Variants in RIC1 observed in about 807,000 individuals in gnomAD.
The protein encoded by RIC1 is RIC1 partner of RAB6A GEF complex.
In RIC1, 88 loss-of-function variants were observed where a neutral mutation model predicts 169.0. That is an observed-to-expected ratio of 0.52 (90% CI 0.44 to 0.62). The LOEUF (loss-of-function observed/expected upper bound fraction) is 0.62. RIC1 is among the 20% of genes least tolerant of loss of function. RIC1 has a pLI of 0.00. For synonymous variants in RIC1, 790 were observed against 601.5 expected (o/e 1.31, Z -4.59); for missense variants, 1,877 against 1,725.5 (o/e 1.09, Z -1.56).
At chr9:5,692,508 C>A (rs913337557) in intron 3 of RIC1, among the ~76,000 whole-genome samples, 2 of 151,914 alleles carry the variant, frequency 1.3e-5, no homozygotes, top group African/African-American at 4.8e-5. Flanking sequence ...TATTTTACTT[C>A]TTTGCCAGAG....
At chr9:5,660,139 G>A (rs2130480634) in intron 2 of RIC1, among the ~76,000 whole-genome samples, 1 of 152,282 alleles carries the variant, frequency 6.6e-6, no homozygotes. Context: ...GTTTGCTGAG[G>A]ATAATGGTTT....
chr9:5,655,218 G>GA (rs960025682), intron 1 of RIC1, among the ~76,000 whole-genome samples: 9 of 152,094 alleles, frequency 5.9e-5, no homozygotes, highest in African/African-American at 2.2e-4. Context: ...TTATCACGTT[G>GA]AAAAAATTTC....
intron 1 of RIC1, among the ~76,000 whole-genome samples, chr9:5,643,602 A>C (rs1818357830): frequency 6.6e-6 from 1 of 152,176 alleles, no homozygotes; most frequent in South Asian, 2.1e-4. Flanking sequence ...AAGGTGCTTA[A>C]AAATAAACTA....
Position 5,756,199 on chromosome 9 carries a change from T to C in RIC1, c.1693-13T>C. The C allele has an allele frequency of 6.7e-7, 1 of 1,495,556 alleles. No homozygotes were observed. Among genetic ancestry groups the C allele is most frequent in the East Asian group, 2.4e-5 (1 of 41,774 alleles). The allele number at this position is 1,495,556 out of a possible 1,614,324, so 92.6% of individuals were successfully genotyped here. On this transcript the variant is annotated splice_polypyrimidine_tract_variant and intron_variant, in intron 15 of 25. Transcript: ENST00000414202. ...CTTGTTTTTATAATTTTCTTCATTT[T>C]TGTTTTCTTCAGCTTAGAGTATACT...
At chr9:5,724,848 C>A (rs1050073538) in intron 6 of RIC1, among the ~76,000 whole-genome samples, 3 of 152,120 alleles carry the variant, frequency 2.0e-5, no homozygotes, top group Non-Finnish European at 4.4e-5. Flanking sequence ...TGTTTATATG[C>A]TGTATTACCG....
chr9:5,681,964 G>A (rs927262411), intron 2 of RIC1, among the ~76,000 whole-genome samples: 4 of 152,060 alleles, frequency 2.6e-5, no homozygotes, highest in Admixed American at 6.6e-5. Context: ...TGTTTTATCC[G>A]AGAGTAGGAT....
At chr9:5,769,386 T>C (rs1454371180) in intron 22 of RIC1, 130 bp downstream of exon 22, 1 of 1,594,296 alleles carries the variant, frequency 6.3e-7, no homozygotes. Context: ...AAAGCCAACT[T>C]TTTGTACATG....
chr9:5,701,848 G>A (rs1281723853), intron 3 of RIC1, among the ~76,000 whole-genome samples: 2 of 152,086 alleles, frequency 1.3e-5, no homozygotes, highest in South Asian at 2.1e-4. Context: ...ACATGACTGG[G>A]ATCAAAAGCA....
At chr9:5,700,586 A>G (rs2130768785) in intron 3 of RIC1, among the ~76,000 whole-genome samples, 1 of 151,600 alleles carries the variant, frequency 6.6e-6, no homozygotes, top group East Asian at 1.9e-4. Context: ...ATTTATAAAT[A>G]TGCCTTATAA....
intron 13 of RIC1, 57 bp from the exon 14 acceptor site, chr9:5,753,479 T>A: frequency 9.5e-7 from 1 of 1,056,148 alleles, no homozygotes; most frequent in Non-Finnish European, 1.4e-6. Flanking sequence ...AAGCTCTTTA[T>A]GCCTAATAAA....
intron 3 of RIC1, among the ~76,000 whole-genome samples, chr9:5,700,755 G>C (rs552499205): frequency 6.6e-6 from 1 of 152,062 alleles, no homozygotes; most frequent in South Asian, 2.1e-4. Flanking sequence ...CAAAGCTTGT[G>C]GGAAAATCGT....
In RIC1 at chr9:5,765,657, C is replaced by G; in HGVS notation, c.3001-5C>G. ...AATGGTACTGCATATGGTGTGTAAT[C>G]CTAGGAACCCAGTTCAAGTGGTGGA... On this transcript the variant is annotated splice_polypyrimidine_tract_variant and splice_region_variant and intron_variant, in intron 20 of 25. Coordinates refer to ENST00000414202, the MANE Select transcript of RIC1 (RefSeq NM_020829.4). 1 of 1,614,076 alleles carries G rather than the reference C, an allele frequency of 6.2e-7. No homozygotes were observed. The highest frequency in any genetic ancestry group is 8.5e-7 in the Non-Finnish European group (1 of 1,179,978).
chr9:5,671,956 C>T (rs148891315), intron 2 of RIC1, among the ~76,000 whole-genome samples: 2 of 152,158 alleles, frequency 1.3e-5, no homozygotes, highest in African/African-American at 4.8e-5. Flanking sequence ...GTGTCTGCTC[C>T]TGGAAGTGGA....
At chr9:5,630,447 G>C (rs1019178422) in intron 1 of RIC1, among the ~76,000 whole-genome samples, 2 of 152,138 alleles carry the variant, frequency 1.3e-5, no homozygotes, top group East Asian at 3.8e-4. Context: ...TTAGGTGTTC[G>C]TGAAATACTG....
intron 6 of RIC1, among the ~76,000 whole-genome samples, chr9:5,730,928 C>T (rs1824336242): frequency 1.3e-5 from 2 of 152,148 alleles, no homozygotes; most frequent in Admixed American, 1.3e-4. Flanking sequence ...ACTCTATCCA[C>T]ACAGGCTTCT....
At chr9:5,761,990 T>G (rs1390392138) in intron 17 of RIC1, among the ~76,000 whole-genome samples, 1 of 152,232 alleles carries the variant, frequency 6.6e-6, no homozygotes, top group Admixed American at 6.5e-5. Context: ...TCAAGAACCA[T>G]AAGTAGTGGC....
chr9:5,637,199 A>G (rs1413611933), intron 1 of RIC1, among the ~76,000 whole-genome samples: 4 of 152,050 alleles, frequency 2.6e-5, no homozygotes, highest in Non-Finnish European at 5.9e-5. Flanking sequence ...AGCTGGGACT[A>G]CAGGTGTGCC....
At position 5,762,673 on chromosome 9, in the gene RIC1, C is replaced by G. The variant is rs773332454; in HGVS notation, c.2112+13C>G. ...CCAAAGGAAACTTGTGAGTAAAGTA[C>G]TAGTCATTTCTTTTCAAACATTAAG... On this transcript the variant is annotated intron_variant, in intron 18 of 25. Transcript: ENST00000414202. The G allele has an allele frequency of 1.9e-6, 3 of 1,610,534 alleles. No individual in the cohort carries two copies. Among genetic ancestry groups the G allele is most frequent in the Non-Finnish European group, 2.5e-6 (3 of 1,178,516 alleles).
In RIC1 at chr9:5,754,879, GA is replaced by G; in HGVS notation, c.1643del (p.Asn548MetfsTer11). The part of the protein sequence containing the change: ...MIVTGGLAWW[N>X]DFMVLACYNI... ...TCGTGACAGGTGGCTTAGCCTGGTG[GA>G]ATGATTTTATGGTCCTTGCGTGTTA... On this transcript the variant is annotated frameshift_variant, in exon 15 of 26. Transcript: ENST00000414202. LOFTEE classifies it high-confidence loss of function. The G allele has an allele frequency of 6.3e-7, 1 of 1,578,238 alleles. No individual in the cohort carries two copies.
Sources: allele counts gnomAD v4.1 joint callset (sites outside exome capture counted in the v4.1 genomes callset), GRCh38; gene constraint gnomAD v4.1.1; transcripts MANE v1.5; gene names NCBI Gene and HGNC (gene_info 2026-07-23, HGNC 2026-07-21).